The following FOXP1 variants were observed in gnomAD, a reference collection of about 807,000 sequenced individuals.
The protein encoded by FOXP1 is forkhead box protein P1.
FOXP1 carries 15 observed loss-of-function variants against 98.2 expected under a neutral mutation model. The ratio of observed to expected loss-of-function variants is 0.15; its 90% CI spans 0.10 to 0.24. FOXP1 has a LOEUF of 0.24. FOXP1 is among the 10% of genes least tolerant of loss of function. FOXP1 has a pLI of 1.00. For missense variants in FOXP1, 633 were observed against 848.5 expected (o/e 0.75, Z 3.15); for synonymous variants, 371 against 314.5 (o/e 1.18, Z -1.90).
intron 3 of FOXP1, among the ~76,000 whole-genome samples, chr3:71,440,606 G>C (rs2085838427): frequency 6.6e-6 from 1 of 151,304 alleles, no homozygotes; most frequent in Non-Finnish European, 1.5e-5. Flanking sequence ...TGAGGCAGAA[G>C]AATCACTTGA....
intron 12 of FOXP1, among the ~76,000 whole-genome samples, chr3:71,004,457 A>G (rs2042516360): frequency 6.6e-6 from 1 of 152,170 alleles, no homozygotes; most frequent in Non-Finnish European, 1.5e-5. Flanking sequence ...ATGAAAAGAG[A>G]GTTGTAGTGA....
intron 2 of FOXP1, chr3:71,580,982 A>C: frequency 1.0e-6 from 1 of 985,404 alleles, no homozygotes; most frequent in African/African-American, 1.7e-5. Context: ...TCAGAAGTGG[A>C]CTGCATAAGG....
Position 71,028,727 on chromosome 3 carries a change from T to C in FOXP1, c.869+12601A>G, listed in dbSNP as rs1396636334. ...TCTATTATTATTACATTGTAACATA[T>C]AATGAAATAATTTTACAACTCACCC... On this transcript the variant is annotated intron_variant, in intron 11 of 20. Transcript: ENST00000649528. 2.0e-5 allele frequency among the ~76,000 whole-genome samples: 3 copies of C among 152,222 alleles called. No homozygotes were observed. The East Asian group carries it at 5.8e-4, about 29-fold the overall frequency.
At chr3:71,451,428 CTACT>C (rs1179393138) in intron 3 of FOXP1, among the ~76,000 whole-genome samples, 3 of 152,170 alleles carry the variant, frequency 2.0e-5, no homozygotes, top group Admixed American at 1.3e-4. Flanking sequence ...TCAACATGCA[CTACT>C]TATTCTCAGA....
chr3:71,328,984 A>AAC (rs1553846627), intron 4 of FOXP1, among the ~76,000 whole-genome samples: 1 of 134,764 alleles, frequency 7.4e-6, no homozygotes, highest in Non-Finnish European at 1.6e-5. Context: ...TAAAAAAAAA[A>AAC]AAAAACAAAA....
intron 7 of FOXP1, among the ~76,000 whole-genome samples, chr3:71,066,064 T>C (rs1318778191): frequency 1.5e-5 from 2 of 133,206 alleles, no homozygotes; most frequent in African/African-American, 2.9e-5. Context: ...AGGAGTAGTG[T>C]GACATCAATG....
At chr3:71,470,084 T>C (rs1022943735) in intron 3 of FOXP1, among the ~76,000 whole-genome samples, 1 of 151,790 alleles carries the variant, frequency 6.6e-6, no homozygotes, top group Non-Finnish European at 1.5e-5. Context: ...TTAATAAAAA[T>C]AAAATATTCA....
chr3:70,988,186 A>C (rs1258133392), intron 13 of FOXP1, 109 bp from the exon 14 acceptor site: 2 of 1,001,220 alleles, frequency 2.0e-6, no homozygotes, highest in Non-Finnish European at 1.6e-6. Flanking sequence ...GCACATGATA[A>C]AATCATTTTC....
chr3:70,979,305 A>G (rs12486182), intron 14 of FOXP1, among the ~76,000 whole-genome samples: 36,251 of 116,574 alleles, frequency 0.31, 8,195 homozygotes, highest in Non-Finnish European at 0.48. Flanking sequence ...AAAAAAAAAA[A>G]AAAAAAAAAA....
Position 71,372,664 on chromosome 3 carries a change from T to C in FOXP1, c.-167-13420A>G, listed in dbSNP as rs184868567. The stretch of plus-strand genomic sequence containing the variant: ...ACAGCAGGCACTCAGCAGATATGCG[T>C]TGAATGGATGAATTACTAAATCTAA... On this transcript the variant is annotated intron_variant, in intron 3 of 20. Coordinates refer to ENST00000649528, the MANE Select transcript of FOXP1 (RefSeq NM_001349338.3). 3.5e-3 allele frequency among the ~76,000 whole-genome samples: 526 copies of C among 152,316 alleles called. 1 individual carries two copies. Among genetic ancestry groups the C allele is most frequent in the African/African-American group, 0.011 (472 of 41,580 alleles).
At chr3:71,241,556 T>C (rs1218273824) in intron 5 of FOXP1, among the ~76,000 whole-genome samples, 2 of 152,204 alleles carry the variant, frequency 1.3e-5, no homozygotes, top group Non-Finnish European at 2.9e-5. Flanking sequence ...TGCATTATTG[T>C]GGTGCCGAAA....
intron 2 of FOXP1, among the ~76,000 whole-genome samples, chr3:71,579,904 G>A (rs1024035195): frequency 1.3e-5 from 2 of 151,764 alleles, no homozygotes; most frequent in African/African-American, 4.8e-5. Context: ...TTCGCGACTC[G>A]GCATCCATAA....
At chr3:71,343,936 A>C (rs2107794577) in intron 4 of FOXP1, among the ~76,000 whole-genome samples, 1 of 152,318 alleles carries the variant, frequency 6.6e-6, no homozygotes, top group East Asian at 1.9e-4. Flanking sequence ...AGGACTCTTT[A>C]AGAGCCGGGT....
intron 6 of FOXP1, among the ~76,000 whole-genome samples, chr3:71,129,790 C>T (rs1337473228): frequency 6.6e-6 from 1 of 152,208 alleles, no homozygotes; most frequent in African/African-American, 2.4e-5. Context: ...CTCTTCTACT[C>T]AGAGCCAGGA....
chr3:71,148,340 C>G (rs569284934), intron 6 of FOXP1, among the ~76,000 whole-genome samples: 2 of 152,176 alleles, frequency 1.3e-5, no homozygotes, highest in African/African-American at 4.8e-5. Context: ...TCATGCCATT[C>G]ATTGCACTCC....
intron 14 of FOXP1, among the ~76,000 whole-genome samples, chr3:70,979,479 T>C (rs1284605433): frequency 2.0e-5 from 3 of 152,104 alleles, no homozygotes. Context: ...TTGGTTGTTT[T>C]CAGCGTATGT....
rs1464407262 is a variant in FOXP1 at position 70,957,135 on chromosome 3, A to G, written c.*2112T>C. 1 of 221,992 alleles carries G rather than the reference A, an allele frequency of 4.5e-6. No individual in the cohort carries two copies. Among genetic ancestry groups the G allele is most frequent in the African/African-American group, 2.2e-5 (1 of 44,730 alleles). 13.8% of individuals were successfully genotyped at this position (221,992 alleles called of 1,614,324 possible). ...ACTGTCTCCTTTATTGGATACTCTAATTGCAGTGGCATACATTCATTTTTT... is the reference window on the plus strand; with the variant it reads ...ACTGTCTCCTTTATTGGATACTCTAGTTGCAGTGGCATACATTCATTTTTT... On this transcript the variant is annotated 3_prime_UTR_variant, in exon 21 of 21. Transcript: ENST00000649528.
intron 4 of FOXP1, among the ~76,000 whole-genome samples, chr3:71,304,022 C>T (rs1265870033): frequency 6.6e-6 from 1 of 152,198 alleles, no homozygotes. Context: ...ATCCACCATT[C>T]TTCAAATCTC....
intron 2 of FOXP1, among the ~76,000 whole-genome samples, chr3:71,516,113 C>T (rs543948876): frequency 3.3e-5 from 5 of 152,186 alleles, no homozygotes; most frequent in Non-Finnish European, 7.3e-5. Context: ...GAGACACTGA[C>T]AACATCGTGC....
Sources: gnomAD v4.1 joint callset for allele counts (sites outside exome capture counted in the v4.1 genomes callset) on GRCh38, gnomAD v4.1.1 for gene constraint, MANE v1.5 for transcripts, NCBI Gene and HGNC (gene_info 2026-07-23, HGNC 2026-07-21) for gene names.